The following SEC24D variants were observed in gnomAD, a reference collection of about 807,000 sequenced individuals.
SEC24D encodes the protein protein transport protein Sec24D.
SEC24D carries 69 observed loss-of-function variants against 116.9 expected under a neutral mutation model. That is an observed-to-expected ratio of 0.59 (90% CI 0.49 to 0.72). The LOEUF (loss-of-function observed/expected upper bound fraction) is 0.72. Ranked by LOEUF, SEC24D falls within the 30% of genes least tolerant of loss-of-function variation. SEC24D has a pLI of 0.00. For missense variants in SEC24D, 1,131 were observed against 1,264.1 expected (o/e 0.89, Z 1.60); for synonymous variants, 405 against 442.8 (o/e 0.91, Z 1.07).
intron 11 of SEC24D, 45 bp from the exon 12 acceptor site, chr4:118,752,933 A>G: frequency 7.2e-7 from 1 of 1,396,102 alleles, no homozygotes; most frequent in Non-Finnish European, 9.7e-7. Context: ...ATAAATTTAG[A>G]TGAAAAGGAG....
At chr4:118,760,313 A>T (rs555272183) in intron 10 of SEC24D, 12 of 152,350 alleles carry the variant, frequency 7.9e-5, no homozygotes, top group Non-Finnish European at 1.3e-4. Context: ...CCCATTAAAC[A>T]ACCTCTGTTT....
Position 118,752,779 on chromosome 4 carries a change from C to T in SEC24D, c.1531G>A (p.Val511Met), listed in dbSNP as rs1468879354. 6.2e-7 allele frequency: 1 copy of T among 1,612,290 alleles called. No homozygotes were observed. Among genetic ancestry groups the T allele is most frequent in the Non-Finnish European group, 8.5e-7 (1 of 1,179,206 alleles). ...ACAAAGACTTCTCCAACATCAGTCA[C>T]CACCATCATCTGAGGCTGGGCCAGA... is the stretch of plus-strand genomic sequence containing the variant. ...SNLAQPQMMV[V>M]TDVGEVFVPL... Residue 511 changes from valine to methionine, a missense_variant, in exon 12 of 23, where the codon GTG becomes ATG. Physicochemically the swap from Val to Met is conservative, Grantham distance 21 (BLOSUM62 1). Transcript: ENST00000280551.
intron 10 of SEC24D, among the ~76,000 whole-genome samples, chr4:118,761,801 C>T (rs1727390500): frequency 6.6e-6 from 1 of 152,184 alleles, no homozygotes; most frequent in African/African-American, 2.4e-5. Flanking sequence ...TCCTAGTTGT[C>T]ATGTCCAGGC....
At chr4:118,800,461 T>C (rs746475326) in intron 7 of SEC24D, among the ~76,000 whole-genome samples, 3 of 152,200 alleles carry the variant, frequency 2.0e-5, no homozygotes, top group Non-Finnish European at 4.4e-5. Context: ...TCACAGTTTT[T>C]AGGACAAACT....
chr4:118,767,693 TAAAC>T (rs1045474208), intron 9 of SEC24D, among the ~76,000 whole-genome samples: 144 of 152,240 alleles, frequency 9.5e-4, no homozygotes, highest in African/African-American at 3.3e-3. Flanking sequence ...CCTTCCTCCT[TAAAC>T]AATCCAACAT....
chr4:118,780,906 GCTTTTTTTTTTTTTT>G (rs1346101097), intron 8 of SEC24D, among the ~76,000 whole-genome samples: 2 of 106,080 alleles, frequency 1.9e-5, no homozygotes, highest in Non-Finnish European at 3.8e-5. Flanking sequence ...TGCAACCCCT[GCTTTTTTTTTTTTTT>G]TTTTTTTTTT....
intron 22 of SEC24D, among the ~76,000 whole-genome samples, chr4:118,725,312 G>T (rs1413225374): frequency 1.3e-5 from 2 of 152,132 alleles, no homozygotes; most frequent in African/African-American, 4.8e-5. Flanking sequence ...AACCCTTAAT[G>T]AGATTTCTCC....
chr4:118,801,902 A>T (rs1479860216), intron 7 of SEC24D, among the ~76,000 whole-genome samples: 2 of 152,240 alleles, frequency 1.3e-5, no homozygotes, highest in Non-Finnish European at 2.9e-5. Context: ...CTAAGATTTG[A>T]AACTTTTTGA....
chr4:118,808,965 A>T (rs1448900401), intron 6 of SEC24D, among the ~76,000 whole-genome samples: 1 of 146,992 alleles, frequency 6.8e-6, no homozygotes, highest in Admixed American at 7.3e-5. Flanking sequence ...AGTGGAGTAG[A>T]AAGCACCCAA....
At chr4:118,798,009 C>G (rs1397916219) in intron 7 of SEC24D, among the ~76,000 whole-genome samples, 199 bp from the exon 8 acceptor site, 1 of 151,980 alleles carries the variant, frequency 6.6e-6, no homozygotes, top group Non-Finnish European at 1.5e-5. Context: ...TAATTTCTTA[C>G]AAAATAAAAA....
Position 118,815,521 on chromosome 4 carries a change from A to T in SEC24D, c.603T>A (p.Pro201=), listed in dbSNP as rs201748006. 14 of 1,613,988 alleles carry T rather than the reference A, an allele frequency of 8.7e-6. No individual in the cohort carries two copies. The highest frequency in any genetic ancestry group is 1.1e-5 in the Non-Finnish European group (13 of 1,180,000). ...GTGGGGGCTGGTACTGGGCATTTGGAGGAGGAGGCCCAGAGAGCCCATCTG... is the reference window on the plus strand; with the variant it reads ...GTGGGGGCTGGTACTGGGCATTTGGTGGAGGAGGCCCAGAGAGCCCATCTG... ...YRPDGLSGPP[P]PNAQYQPPPL... is the part of the protein sequence containing the mutation. The change falls in exon 5 of 23, where the codon CCT becomes CCA. Residue 201 remains proline (P), a synonymous_variant. Coordinates refer to ENST00000280551, the MANE Select transcript of SEC24D (RefSeq NM_014822.4).
At chr4:118,762,395 T>C in intron 10 of SEC24D, among the ~76,000 whole-genome samples, 1 of 152,158 alleles carries the variant, frequency 6.6e-6, no homozygotes, top group East Asian at 1.9e-4. Context: ...AAGCCTAAGT[T>C]TCCTCAAGTA....
intron 8 of SEC24D, among the ~76,000 whole-genome samples, chr4:118,794,978 T>C (rs1048677869): frequency 2.6e-5 from 4 of 152,108 alleles, no homozygotes; most frequent in African/African-American, 4.8e-5. Flanking sequence ...TAGTTATATA[T>C]TGTTATATGC....
At chr4:118,802,572 G>C (rs886877483) in intron 7 of SEC24D, among the ~76,000 whole-genome samples, 3 of 152,220 alleles carry the variant, frequency 2.0e-5, no homozygotes, top group African/African-American at 7.2e-5. Flanking sequence ...GCCAACTTTG[G>C]GGCTCCATAC....
Position 118,740,664 on chromosome 4 carries a change from T to G in SEC24D, c.2237A>C (p.Gln746Pro). 6.2e-7 allele frequency: 1 copy of G among 1,613,520 alleles called. No homozygotes were observed. The highest frequency in any genetic ancestry group is 1.1e-5 in the South Asian group (1 of 90,976). Reference sequence around the variant, plus strand: ...AGGTGGGAATACACTTTCAATCACCTGGATTAAGGCTCCACTGTCTTCACT... The same window carrying G: ...AGGTGGGAATACACTTTCAATCACCGGGATTAAGGCTCCACTGTCTTCACT... ...KLSEDSGALI[Q>P]CAVLYTTISG... Residue 746 changes from glutamine (Q) to proline (P), a missense_variant and splice_region_variant, in exon 17 of 23, where the codon CAG (glutamine) becomes CCG (proline). Gln to Pro is a moderately conservative substitution (Grantham distance 76, BLOSUM62 -1). Transcript: ENST00000280551.
intron 6 of SEC24D, among the ~76,000 whole-genome samples, chr4:118,814,147 A>C (rs1730036400): frequency 6.6e-6 from 1 of 152,156 alleles, no homozygotes; most frequent in Non-Finnish European, 1.5e-5. Flanking sequence ...TTCCAAAAGG[A>C]TTTTACATCC....
At chr4:118,764,408 G>C (rs529081181) in intron 10 of SEC24D, 1 of 159,602 alleles carries the variant, frequency 6.3e-6, no homozygotes, top group African/African-American at 2.4e-5. Context: ...ACAGAAACAC[G>C]TCAATAGTCC....
At chr4:118,826,941 A>G (rs374996955) in intron 2 of SEC24D, among the ~76,000 whole-genome samples, 1 of 152,178 alleles carries the variant, frequency 6.6e-6, no homozygotes, top group South Asian at 2.1e-4. Context: ...AAATCATTAC[A>G]ATGTCTTGGG....
At chr4:118,784,461 T>C (rs946163409) in intron 8 of SEC24D, among the ~76,000 whole-genome samples, 4 of 152,168 alleles carry the variant, frequency 2.6e-5, no homozygotes, top group Non-Finnish European at 4.4e-5. Context: ...TGGGATGTAG[T>C]AAACCCCAAA....
Sources: gnomAD v4.1 joint callset for allele counts (sites outside exome capture counted in the v4.1 genomes callset) on GRCh38, gnomAD v4.1.1 for gene constraint, MANE v1.5 for transcripts, NCBI Gene and HGNC (gene_info 2026-07-23, HGNC 2026-07-21) for gene names.